LATS2: variants seen among roughly 807,000 people sequenced by gnomAD.
The protein encoded by LATS2 is serine/threonine-protein kinase LATS2.
In LATS2, 24 loss-of-function variants were observed where a neutral mutation model predicts 76.0. That is an observed-to-expected ratio of 0.32 (90% CI 0.23 to 0.44). The LOEUF (loss-of-function observed/expected upper bound fraction) is 0.44, where lower values mean the gene tolerates loss of function less well. Among genes scored for constraint, LATS2 ranks in the 20% least tolerant of loss-of-function variants. The pLI, the probability that LATS2 is intolerant of heterozygous loss-of-function variation, is 1.00. For synonymous variants in LATS2, 692 were observed against 635.4 expected (o/e 1.09, Z -1.34); for missense variants, 1,286 against 1,481.2 (o/e 0.87, Z 2.16).
Position 20,973,622 on chromosome 13 carries a change from T to A in LATS2, c.*1248A>T, listed in dbSNP as rs74750830. The A allele has an allele frequency of 1.9e-3, 434 of 232,424 alleles. 1 individual carries two copies. The highest frequency in any genetic ancestry group is 0.016 in the East Asian group (264 of 16,314). The allele number at this position is 232,424 out of a possible 1,614,324, so 14.4% of individuals were successfully genotyped here. A position where few individuals can be genotyped will look rare whatever the true frequency, so the allele number is the denominator to read the frequency against. ...TCATTTTGAAGAATCTTTGCTTTTT[T>A]ACAAAGGTTAGGAATATGTATTGTT... On this transcript the variant is annotated 3_prime_UTR_variant, in exon 8 of 8. Transcript: ENST00000382592.
intron 1 of LATS2, among the ~76,000 whole-genome samples, chr13:21,060,130 C>T (rs549677784): frequency 6.6e-6 from 1 of 152,314 alleles, no homozygotes; most frequent in East Asian, 1.9e-4. Flanking sequence ...TGGGTTTTAC[C>T]TTCTTCAGGG....
chr13:21,019,486 C>T (rs1288796126), intron 2 of LATS2, among the ~76,000 whole-genome samples: 3 of 126,804 alleles, frequency 2.4e-5, no homozygotes, highest in African/African-American at 1.0e-4. Flanking sequence ...GCCACCACGC[C>T]CAGCTAATTT....
At chr13:21,059,013 A>G (rs547886581) in intron 1 of LATS2, among the ~76,000 whole-genome samples, 1 of 152,184 alleles carries the variant, frequency 6.6e-6, no homozygotes, top group Non-Finnish European at 1.5e-5. Flanking sequence ...CCTAATAATC[A>G]GCCATGAGTT....
intron 1 of LATS2, among the ~76,000 whole-genome samples, chr13:21,053,006 G>T (rs1401477695): frequency 6.6e-6 from 1 of 152,020 alleles, no homozygotes; most frequent in Non-Finnish European, 1.5e-5. Context: ...GGAGGCTGAG[G>T]CAGGCAGATC....
At chr13:21,018,019 G>A (rs1337880444) in intron 2 of LATS2, 4 of 152,148 alleles carry the variant, frequency 2.6e-5, no homozygotes, top group African/African-American at 9.7e-5. Flanking sequence ...CTACCATATG[G>A]AAGTGGGAAA....
rs149575397 is a variant in LATS2 at position 21,054,408 on chromosome 13, A to C, written c.-205+6938T>G. On this transcript the variant is annotated intron_variant, in intron 1 of 7. Coordinates refer to ENST00000382592, the MANE Select transcript of LATS2 (RefSeq NM_014572.3). ...AGGCAACAGAGCAAGTCTCCACCTC[A>C]AAAAGAAAAAAAATTTAAATAAATA... Among the ~76,000 whole-genome samples, 797 of 152,330 alleles carry C rather than the reference A, an allele frequency of 5.2e-3. 6 individuals carry two copies. Among genetic ancestry groups the C allele is most frequent in the Non-Finnish European group, 7.0e-3 (479 of 68,038 alleles).
chr13:21,009,764 C>T (rs1032552774), intron 2 of LATS2, among the ~76,000 whole-genome samples: 13 of 152,322 alleles, frequency 8.5e-5, no homozygotes, highest in South Asian at 4.1e-4. Context: ...TGTGAGCCCA[C>T]AGGGCAGTGA....
chr13:20,994,182 A>G (rs1204537934), intron 2 of LATS2, among the ~76,000 whole-genome samples: 1 of 152,100 alleles, frequency 6.6e-6, no homozygotes, highest in East Asian at 1.9e-4. Flanking sequence ...ACAAGTGAAG[A>G]CTCATGTTCA....
chr13:20,988,959 G>A lies in LATS2; in HGVS notation c.821C>T (p.Ser274Phe). The change falls in exon 4 of 8, where the codon TCC (serine) becomes TTC (phenylalanine). Residue 274 changes from serine (S) to phenylalanine (F), a missense_variant. Ser to Phe is a radical substitution (Grantham distance 155). Around this residue, in one of 5 missense-constraint regions of LATS2, gnomAD observed 710 missense variants for 660.9 expected, o/e 1.07. Transcript: ENST00000382592. ...CTCCGGCGGCGTCTTGCTCTGGAAG[G>A]AGGGGCTGCGCTGCACTCCGTAGCC... Reference protein sequence around the residue: ...PLGYGVQRSPSFQSKTPPETG... With the variant: ...PLGYGVQRSPFFQSKTPPETG... 1 of 1,537,252 alleles carries A rather than the reference G, an allele frequency of 6.5e-7. No individual in the cohort carries two copies. Among genetic ancestry groups the A allele is most frequent in the Non-Finnish European group, 8.7e-7 (1 of 1,146,792 alleles).
rs201288154 is a variant in LATS2 at position 20,988,118 on chromosome 13, G to A, written c.1662C>T (p.Gly554=). ...CCTTGGCGCTTTTGCGGCTCTTGTC[G>A]CCGCCCTCGGGCTCGTTGGGGCCCG... ...LRAGPNEPEG[G]DKSRKSAKGD... The change falls in exon 4 of 8, where the codon GGC becomes GGT. Residue 554 remains glycine (G), a synonymous_variant. Transcript: ENST00000382592. 109 of 1,614,178 alleles carry A rather than the reference G, an allele frequency of 6.8e-5. 1 individual carries two copies. The East Asian group carries it at 1.2e-3, about 17-fold the overall frequency.
At chr13:21,036,953 C>T (rs1327773520) in intron 2 of LATS2, among the ~76,000 whole-genome samples, 2 of 152,136 alleles carry the variant, frequency 1.3e-5, no homozygotes, top group African/African-American at 4.8e-5. Flanking sequence ...GGTAAAAATG[C>T]TCTCAACATT....
chr13:21,057,804 AT>A (rs1449366787), intron 1 of LATS2, among the ~76,000 whole-genome samples: 13 of 1,888 alleles, frequency 6.9e-3, no homozygotes, highest in Non-Finnish European at 0.043. Context: ...CATCTCAAAA[AT>A]AAAAAAAAAA....
chr13:21,047,205 G>C (rs938577325), intron 1 of LATS2, among the ~76,000 whole-genome samples: 6 of 152,190 alleles, frequency 3.9e-5, no homozygotes, highest in Non-Finnish European at 8.8e-5. Context: ...TCAGCAGCCA[G>C]CACAGGTCAC....
intron 2 of LATS2, among the ~76,000 whole-genome samples, chr13:21,016,804 C>T (rs1349680404): frequency 6.6e-6 from 1 of 152,072 alleles, no homozygotes; most frequent in Non-Finnish European, 1.5e-5. Context: ...ATCAGAAAAC[C>T]TCTCACTAAT....
chr13:21,042,970 C>T (rs1308997951), intron 2 of LATS2, among the ~76,000 whole-genome samples: 6 of 146,968 alleles, frequency 4.1e-5, no homozygotes, highest in Non-Finnish European at 9.0e-5. Flanking sequence ...GGCCACAGAG[C>T]GAGACTCCGT....
At chr13:20,977,365 T>C (rs1042176788) in intron 7 of LATS2, among the ~76,000 whole-genome samples, 3 of 133,588 alleles carry the variant, frequency 2.2e-5, no homozygotes, top group African/African-American at 8.5e-5. Context: ...CAGCCTGGGA[T>C]ACAGAGCAAA....
intron 2 of LATS2, among the ~76,000 whole-genome samples, chr13:21,006,389 C>T (rs1283909225): frequency 6.6e-6 from 1 of 152,066 alleles, no homozygotes; most frequent in Non-Finnish European, 1.5e-5. Flanking sequence ...AAAAAGTGAG[C>T]AGACAGCCAG....
Position 20,988,778 on chromosome 13 carries a change from G to T in LATS2, c.1002C>A (p.Arg334=). The T allele has an allele frequency of 6.3e-7, 1 of 1,590,020 alleles. No homozygotes were observed. ...AAHQLHVLGS[R]SQVFASDSPP... is the part of the protein sequence containing the mutation. ...GGCTGTCGCTGGCGAACACCTGGCT[G>T]CGGGAGCCCAGCACATGCAGCTGGT... is the stretch of plus-strand genomic sequence containing the variant. The change falls in exon 4 of 8, where the codon CGC becomes CGA. Residue 334 remains arginine (R), a synonymous_variant. Coordinates refer to ENST00000382592, the MANE Select transcript of LATS2 (RefSeq NM_014572.3).
chr13:20,984,749 C>T (rs1227532005), intron 4 of LATS2, among the ~76,000 whole-genome samples: 1 of 152,130 alleles, frequency 6.6e-6, no homozygotes, highest in African/African-American at 2.4e-5. Context: ...GACCATACTA[C>T]CCAAATCAAT....
Sources: allele counts gnomAD v4.1 joint callset (sites outside exome capture counted in the v4.1 genomes callset), GRCh38; gene constraint gnomAD v4.1.1; regional missense constraint gnomAD v4.1.1; transcripts MANE v1.5; gene names NCBI Gene and HGNC (gene_info 2026-07-23, HGNC 2026-07-21).